Variants in IDO1 observed in about 807,000 individuals in gnomAD.
IDO1 encodes the protein indolamine 2,3 dioxygenase.
IDO1 carries 35 observed loss-of-function variants against 38.8 expected under a neutral mutation model. The ratio of observed to expected loss-of-function variants is 0.90; its 90% CI spans 0.69 to 1.20. IDO1 has a LOEUF of 1.20. Among genes scored for constraint, IDO1 ranks in the 50% most tolerant of loss-of-function variants. The pLI is 0.00. For synonymous variants in IDO1, 171 were observed against 170.0 expected (o/e 1.01, Z -0.05); for missense variants, 509 against 485.1 (o/e 1.05, Z -0.46).
At chr8:39,918,970 T>C (rs532310063) in intron 4 of IDO1, 37 bp downstream of exon 4, 1 of 1,219,778 alleles carries the variant, frequency 8.2e-7, no homozygotes, top group Admixed American at 1.7e-5. Flanking sequence ...ATTTTTGGAG[T>C]GTGTGCCGAT....
At chr8:39,925,423 T>C in intron 9 of IDO1, 52 bp downstream of exon 9, 1 of 1,515,854 alleles carries the variant, frequency 6.6e-7, no homozygotes, top group Non-Finnish European at 8.9e-7. Context: ...TACAATAGTA[T>C]TTGGATATCT....
In IDO1 at chr8:39,918,887, T is replaced by G. The variant is rs1563415197; in HGVS notation, c.376T>G (p.Tyr126Asp). 1 of 1,612,998 alleles carries G rather than the reference T, an allele frequency of 6.2e-7. No homozygotes were observed. Among genetic ancestry groups the G allele is most frequent in the Non-Finnish European group, 8.5e-7 (1 of 1,178,976 alleles). The change falls in exon 4 of 10, where the codon TAT becomes GAT. Residue 126 changes from tyrosine (Y) to aspartate (D), a missense_variant. Physicochemically the swap from Tyr to Asp is radical, Grantham distance 160. Coordinates refer to ENST00000518237, the MANE Select transcript of IDO1 (RefSeq NM_002164.6). ...ACTGGAACTGCCTCCTATTTTGGTTTATGCAGACTGTGTCTTGGCAAACTG... is the reference window on the plus strand; with the variant it reads ...ACTGGAACTGCCTCCTATTTTGGTTGATGCAGACTGTGTCTTGGCAAACTG... ...KKLELPPILV[Y>D]ADCVLANWKK...
intron 9 of IDO1, among the ~76,000 whole-genome samples, chr8:39,927,559 CAA>C (rs1275800487): frequency 2.4e-4 from 15 of 61,274 alleles, no homozygotes; most frequent in Non-Finnish European, 2.4e-4. Context: ...GACTCTGTCT[CAA>C]AAAAAAAAAA....
At chr8:39,923,742 G>C in intron 7 of IDO1, 156 bp downstream of exon 7, 1 of 483,312 alleles carries the variant, frequency 2.1e-6, no homozygotes, top group Non-Finnish European at 3.7e-6. Context: ...CTATGTGGTA[G>C]GTTTCATTAT....
rs570155007 is a variant in IDO1 at position 39,917,263 on chromosome 8, A to G, written c.88-612A>G. On this transcript the variant is annotated intron_variant, in intron 1 of 9. Coordinates refer to ENST00000518237, the MANE Select transcript of IDO1 (RefSeq NM_002164.6). The stretch of plus-strand genomic sequence containing the variant: ...GTAATCCCAGCACTTTGGGAGGCCG[A>G]GGCAGGCAGATCACCTGAGGTTAGG... Among the ~76,000 whole-genome samples the G allele has an allele frequency of 2.0e-5, 3 of 152,328 alleles. No homozygotes were observed. The South Asian group carries it at 6.2e-4, about 32-fold the overall frequency.
At chr8:39,925,856 C>T (rs1807351173) in intron 9 of IDO1, among the ~76,000 whole-genome samples, 1 of 151,492 alleles carries the variant, frequency 6.6e-6, no homozygotes, top group Non-Finnish European at 1.5e-5. Flanking sequence ...TGTACTCCAG[C>T]CTGGGCAAAA....
In IDO1 at chr8:39,918,155, G is replaced by A. The variant is rs753432194; in HGVS notation, c.251G>A (p.Gly84Glu). 9.3e-6 allele frequency: 15 copies of A among 1,613,836 alleles called. No individual in the cohort carries two copies. In the East Asian group the frequency reaches 3.1e-4, roughly 34 times the overall value. The change falls in exon 3 of 10, where the codon GGA (glycine) becomes GAA (glutamate). Residue 84 changes from glycine to glutamate, a missense_variant. Transcript: ENST00000518237. The part of the protein sequence containing the change: ...KSQRLARLVL[G>E]CITMAYVWGK... ...CAGCGCCTTGCACGTCTAGTTCTGG[G>A]ATGCATCACCATGGCATATGTGTGG...
At chr8:39,922,719 A>G in intron 6 of IDO1, 68 bp downstream of exon 6, 1 of 966,818 alleles carries the variant, frequency 1.0e-6, no homozygotes, top group Non-Finnish European at 1.7e-6. Flanking sequence ...TTCGGAGCCT[A>G]AACTATACTA....
At chr8:39,916,489 A>G (rs1015686183) in intron 1 of IDO1, among the ~76,000 whole-genome samples, 12 of 152,172 alleles carry the variant, frequency 7.9e-5, no homozygotes, top group Non-Finnish European at 1.8e-4. Context: ...AAACAATAAC[A>G]ATAATAACAA....
At chr8:39,921,038 A>T (rs1807264385) in intron 5 of IDO1, 1 of 152,210 alleles carries the variant, frequency 6.6e-6, no homozygotes, top group South Asian at 2.1e-4. Context: ...TATTTGAGGA[A>T]TTAGCTAGAG....
At chr8:39,927,558 T>G (rs1586214693) in intron 9 of IDO1, among the ~76,000 whole-genome samples, 2 of 122,076 alleles carry the variant, frequency 1.6e-5, no homozygotes, top group African/African-American at 6.4e-5. Flanking sequence ...AGACTCTGTC[T>G]CAAAAAAAAA....
rs1807289780 is a variant in IDO1 at position 39,922,537 on chromosome 8, A to T, written c.438-15A>T. ...TTTTGCTAAACTTCTTGCCTTCCTT[A>T]TCCAATTTCCTCAGGAACATGGACG... On this transcript the variant is annotated splice_polypyrimidine_tract_variant and intron_variant, in intron 5 of 9. Transcript: ENST00000518237. The T allele has an allele frequency of 1.3e-6, 2 of 1,572,520 alleles. No homozygotes were observed. The highest frequency in any genetic ancestry group is 4.5e-5 in the East Asian group (2 of 44,686).
chr8:39,919,045 A>G (rs1399919040), intron 4 of IDO1, 112 bp downstream of exon 4: 1 of 780,550 alleles, frequency 1.3e-6, no homozygotes, highest in Admixed American at 1.7e-5. Flanking sequence ...TCAGCTGGGT[A>G]TGGTTCCTCT....
intron 1 of IDO1, among the ~76,000 whole-genome samples, chr8:39,917,256 GAGGCCGAGGCAGGC>G (rs1162796775): frequency 6.6e-6 from 1 of 152,186 alleles, no homozygotes; most frequent in Non-Finnish European, 1.5e-5. Context: ...AGCACTTTGG[GAGGCCGAGGCAGGC>G]AGATCACCTG....
chr8:39,925,185 A>C (rs1807340419), intron 8 of IDO1, 38 bp from the exon 9 acceptor site: 1 of 1,539,224 alleles, frequency 6.5e-7, no homozygotes, highest in Non-Finnish European at 8.7e-7. Context: ...ATTAACCTAA[A>C]GAATGATTTT....
rs566065533 is a variant in IDO1 at position 39,918,517 on chromosome 8, C to T, written c.304-298C>T. The stretch of plus-strand genomic sequence containing the variant: ...TCCCAGCACTTTGAGAGGCCAAGGC[C>T]GGAGGATCACCTGAGGTCAGGAGTT... On this transcript the variant is annotated intron_variant, in intron 3 of 9. Transcript: ENST00000518237. The T allele has an allele frequency of 3.9e-4, 179 of 454,154 alleles. 1 individual carries two copies. The East Asian group carries it at 5.6e-3, about 14-fold the overall frequency. 28.1% of individuals were successfully genotyped at this position (454,154 alleles called of 1,614,324 possible).
intron 1 of IDO1, among the ~76,000 whole-genome samples, chr8:39,917,072 T>C (rs1311915215): frequency 1.2e-4 from 18 of 152,208 alleles, no homozygotes; most frequent in Admixed American, 1.2e-3. Context: ...GATAACTTCT[T>C]GGGCCATTAC....
chr8:39,928,316 A>C lies in IDO1; in HGVS notation c.*131A>C. ...CAATAATGCAATACAAAAGACCTCA[A>C]AATACCTGTGCATTTCTTGTAGGAA... is the stretch of plus-strand genomic sequence containing the variant. On this transcript the variant is annotated 3_prime_UTR_variant, in exon 10 of 10. Transcript: ENST00000518237. The C allele has an allele frequency of 1.6e-6, 1 of 616,710 alleles. No homozygotes were observed. Among genetic ancestry groups the C allele is most frequent in the Non-Finnish European group, 2.8e-6 (1 of 363,308 alleles). 38.2% of individuals were successfully genotyped at this position (616,710 alleles called of 1,614,324 possible).
At chr8:39,919,250 C>A (rs551237533) in intron 4 of IDO1, among the ~76,000 whole-genome samples, 2 of 152,244 alleles carry the variant, frequency 1.3e-5, no homozygotes, top group South Asian at 4.1e-4. Flanking sequence ...CAGAAAATTT[C>A]TTTGTGCCTC....
Sources: gnomAD v4.1 joint callset for allele counts (sites outside exome capture counted in the v4.1 genomes callset) on GRCh38, gnomAD v4.1.1 for gene constraint, MANE v1.5 for transcripts, NCBI Gene and HGNC (gene_info 2026-07-23, HGNC 2026-07-21) for gene names.